COL4A1: variants seen among roughly 807,000 people sequenced by gnomAD.
COL4A1 encodes collagen alpha-1(IV) chain.
A neutral mutation model predicts 216.6 loss-of-function variants in COL4A1; 40 were observed. That is an observed-to-expected ratio of 0.18 (90% CI 0.14 to 0.24). The LOEUF (loss-of-function observed/expected upper bound fraction) is 0.24. COL4A1 is among the 10% of genes least tolerant of loss of function. The probability of loss-of-function intolerance (pLI) is 1.00; values close to 1 mark genes in which losing one functional copy is unlikely to be tolerated. For missense variants in COL4A1, 1,628 were observed against 2,196.8 expected, an observed-to-expected ratio of 0.74 and a Z score of 5.18; for synonymous variants, 839 against 810.7, an observed-to-expected ratio of 1.03 and a Z score of -0.59.
chr13:110,299,806 C>T (rs1018489009), intron 1 of COL4A1, among the ~76,000 whole-genome samples: 1 of 152,218 alleles, frequency 6.6e-6, no homozygotes, highest in Admixed American at 6.5e-5. Flanking sequence ...GCAAATACGT[C>T]ACACACAACT....
chr13:110,284,171 T>C (rs368288133), intron 1 of COL4A1, among the ~76,000 whole-genome samples: 27 of 152,166 alleles, frequency 1.8e-4, no homozygotes, highest in East Asian at 1.2e-3. Context: ...CCAGGTAGAA[T>C]CATCTAAAAA....
At chr13:110,194,613 T>G (rs959570486) in intron 22 of COL4A1, among the ~76,000 whole-genome samples, 10 of 152,144 alleles carry the variant, frequency 6.6e-5, no homozygotes, top group African/African-American at 2.2e-4. Context: ...CTGGAAGAAT[T>G]GGTGAGCATT....
chr13:110,182,824 A>G (rs1448168343), intron 28 of COL4A1, among the ~76,000 whole-genome samples, 169 bp downstream of exon 28: 1 of 152,236 alleles, frequency 6.6e-6, no homozygotes, highest in African/African-American at 2.4e-5. Flanking sequence ...CAAGGCAGCT[A>G]TTGCCTAGAA....
chr13:110,307,128 C>A lies in COL4A1; in HGVS notation c.-101G>T, dbSNP rs1884771928. ...CCGGACTTCCAGCGCTACGCACCGT[C>A]CCGGGTGCGGCGGCTCCAAGCGGAG... On this transcript the variant is annotated 5_prime_UTR_variant, in exon 1 of 52. Coordinates refer to ENST00000375820, the MANE Select transcript of COL4A1 (RefSeq NM_001845.6). The surrounding 1 kb of genome is among the most constrained non-coding windows in gnomAD (Gnocchi z 5.0). The A allele has an allele frequency of 5.2e-6, 5 of 962,524 alleles. No homozygotes were observed. Among genetic ancestry groups the A allele is most frequent in the Non-Finnish European group, 5.7e-6 (4 of 707,662 alleles). 59.6% of individuals were successfully genotyped at this position (962,524 alleles called of 1,614,324 possible). A position where few individuals can be genotyped will look rare whatever the true frequency, so the allele number is the denominator to read the frequency against.
intron 21 of COL4A1, among the ~76,000 whole-genome samples, chr13:110,195,552 A>G (rs977722788): frequency 1.3e-5 from 2 of 152,136 alleles, no homozygotes; most frequent in African/African-American, 4.8e-5. Context: ...CTCTAACCCA[A>G]TTTACAGCAA....
chr13:110,173,466 T>G (rs1227450924), intron 40 of COL4A1, among the ~76,000 whole-genome samples: 3 of 152,088 alleles, frequency 2.0e-5, no homozygotes, highest in African/African-American at 7.2e-5. Flanking sequence ...ATGGCCAAGT[T>G]AAAGCCCACC....
chr13:110,235,670 AAAG>A (rs1881286665), intron 2 of COL4A1, among the ~76,000 whole-genome samples: 1 of 151,556 alleles, frequency 6.6e-6, no homozygotes, highest in Admixed American at 6.6e-5. Context: ...AAAAAAAAAA[AAAG>A]AAGATATGCA....
At position 110,253,221 on chromosome 13, in the gene COL4A1, T is replaced by TTATATATACATATAATTAGG. The variant is rs1288197995; in HGVS notation, c.85-10507_85-10488dup. On this transcript the variant is annotated intron_variant, in intron 1 of 51. Transcript: ENST00000375820. ...ACATATAACTATATGTATGTATGTA[T>TTATATATACATATAATTAGG]TATATATACATATAATTAGGTATAT... 2.2e-5 allele frequency among the ~76,000 whole-genome samples: 3 copies of TTATATATACATATAATTAGG among 134,576 alleles called. No individual in the cohort carries two copies. The East Asian group carries it at 6.4e-4, about 29-fold the overall frequency. 88.3% of individuals were successfully genotyped at this position (134,576 alleles called of 152,430 possible).
chr13:110,174,195 C>CA (rs1877772390), intron 39 of COL4A1, among the ~76,000 whole-genome samples, 197 bp from the exon 40 acceptor site: 1 of 152,178 alleles, frequency 6.6e-6, no homozygotes, highest in Admixed American at 6.5e-5. Context: ...CCCTGACCCT[C>CA]AAAAGCTGGT....
intron 43 of COL4A1, among the ~76,000 whole-genome samples, 166 bp downstream of exon 43, chr13:110,169,460 GAAA>G (rs1877501094): frequency 6.7e-6 from 1 of 149,788 alleles, no homozygotes; most frequent in Non-Finnish European, 1.5e-5. Flanking sequence ...TGGCAAGAAA[GAAA>G]GAAAGAACTG....
intron 22 of COL4A1, 114 bp from the exon 23 acceptor site, chr13:110,193,027 AG>A: frequency 1.0e-6 from 1 of 972,540 alleles, no homozygotes; most frequent in Non-Finnish European, 1.6e-6. Context: ...ATCCAAACTT[AG>A]GTTTGCTCAG....
In COL4A1 at chr13:110,175,209, G is replaced by A. The variant is rs112120233; in HGVS notation, c.3198+9C>T. On this transcript the variant is annotated intron_variant, in intron 37 of 51. Transcript: ENST00000375820. ...AGAAGGGGACCTTTCCACGCAGAGC[G>A]CTGGTTACCTTTTCACCTCGCAGCC... The A allele has an allele frequency of 4.9e-5, 79 of 1,614,184 alleles. No homozygotes were observed. The highest frequency in any genetic ancestry group is 1.6e-4 in the East Asian group (7 of 44,882).
intron 49 of COL4A1, among the ~76,000 whole-genome samples, chr13:110,157,482 A>G (rs1384392579): frequency 6.6e-6 from 1 of 152,252 alleles, no homozygotes. Flanking sequence ...CACTAAGTTC[A>G]GTAACCGTGG....
At chr13:110,176,318 G>A in intron 36 of COL4A1, 106 bp downstream of exon 36, 1 of 796,800 alleles carries the variant, frequency 1.3e-6, no homozygotes, top group East Asian at 2.5e-5. Context: ...AGACACACGT[G>A]CCTGGATTCT....
At chr13:110,220,436 T>C (rs1880419790) in intron 2 of COL4A1, among the ~76,000 whole-genome samples, 2 of 152,208 alleles carry the variant, frequency 1.3e-5, no homozygotes, top group Non-Finnish European at 2.9e-5. Context: ...GTATCAAAAG[T>C]GAAAACCAGA....
At chr13:110,213,725 G>A in intron 4 of COL4A1, 57 bp downstream of exon 4, 4 of 1,561,594 alleles carry the variant, frequency 2.6e-6, no homozygotes, top group Non-Finnish European at 3.5e-6. Context: ...GCCCGGCTCT[G>A]GAAGCGGGCC....
intron 2 of COL4A1, among the ~76,000 whole-genome samples, chr13:110,216,582 T>C (rs112658300): frequency 0.01 from 1,593 of 152,294 alleles, 18 homozygotes; most frequent in African/African-American, 0.034. Context: ...CCAGCGATGA[T>C]AAGATTTTAT....
chr13:110,166,655 T>G (rs1032945777), intron 44 of COL4A1, among the ~76,000 whole-genome samples: 1 of 152,230 alleles, frequency 6.6e-6, no homozygotes, highest in Non-Finnish European at 1.5e-5. Context: ...ACCCAGAAGC[T>G]ACATTTTTAT....
intron 2 of COL4A1, among the ~76,000 whole-genome samples, chr13:110,230,056 A>C (rs370309084): frequency 2.0e-5 from 3 of 151,902 alleles, no homozygotes; most frequent in East Asian, 3.9e-4. Flanking sequence ...AAAATCCCCC[A>C]CTCAGGAAAA....
Sources: allele counts gnomAD v4.1 joint callset (sites outside exome capture counted in the v4.1 genomes callset), GRCh38; gene constraint gnomAD v4.1.1; non-coding constraint Gnocchi (gnomAD v3.1); transcripts MANE v1.5; gene names NCBI Gene and HGNC (gene_info 2026-07-23, HGNC 2026-07-21).